Variants in GFRA1 observed in about 807,000 individuals in gnomAD.
The protein encoded by GFRA1 is GDNF family receptor alpha-1.
Under a neutral mutation model 51.6 loss-of-function variants are expected in GFRA1, and 16 were observed. The observed-to-expected ratio is 0.31, with a 90% CI of 0.21 to 0.47. The LOEUF (loss-of-function observed/expected upper bound fraction) is 0.47. Among genes scored for constraint, GFRA1 ranks in the 20% least tolerant of loss-of-function variants. GFRA1 has a pLI of 1.00. For synonymous variants in GFRA1, 270 were observed against 241.3 expected, an observed-to-expected ratio of 1.12 and a Z score of -1.10; for missense variants, 530 against 594.3, an observed-to-expected ratio of 0.89 and a Z score of 1.13.
chr10:116,079,276 T>C (rs1955748678), intron 9 of GFRA1, among the ~76,000 whole-genome samples: 1 of 152,074 alleles, frequency 6.6e-6, no homozygotes. Flanking sequence ...TTCTGTTGCT[T>C]AAGCCGCCCA....
chr10:116,225,720 G>A (rs969454749), intron 4 of GFRA1, among the ~76,000 whole-genome samples: 4 of 151,306 alleles, frequency 2.6e-5, no homozygotes, highest in Admixed American at 2.6e-4. Context: ...TCCCCAAGGA[G>A]CTGGGATTAC....
intron 5 of GFRA1, among the ~76,000 whole-genome samples, chr10:116,180,240 T>C (rs1373107452): frequency 6.6e-6 from 1 of 152,222 alleles, no homozygotes; most frequent in Non-Finnish European, 1.5e-5. Context: ...ATTTACAATA[T>C]TGTAATAAGA....
chr10:116,246,892 T>A (rs2134667644), intron 4 of GFRA1, among the ~76,000 whole-genome samples: 1 of 152,254 alleles, frequency 6.6e-6, no homozygotes, highest in Non-Finnish European at 1.5e-5. Flanking sequence ...TTCCTCGATA[T>A]GCACAGAGAA....
chr10:116,215,500 C>T (rs992074517), intron 4 of GFRA1, among the ~76,000 whole-genome samples: 7 of 152,324 alleles, frequency 4.6e-5, no homozygotes, highest in Admixed American at 4.6e-4. Flanking sequence ...ATTAGACCTG[C>T]TGAGCTTGAA....
intron 4 of GFRA1, among the ~76,000 whole-genome samples, chr10:116,226,606 T>C (rs1247029499): frequency 6.0e-5 from 9 of 150,972 alleles, no homozygotes; most frequent in Non-Finnish European, 1.5e-5. Flanking sequence ...TGGAAGACAA[T>C]TTTTCCACAG....
chr10:116,206,793 T>C (rs7100915), intron 5 of GFRA1, among the ~76,000 whole-genome samples: 91,481 of 150,278 alleles, frequency 0.61, 29,412 homozygotes, highest in African/African-American at 0.83. Flanking sequence ...CCACGACGCC[T>C]GGCTAATTTT....
At chr10:116,245,343 AG>A (rs1465373058) in intron 4 of GFRA1, among the ~76,000 whole-genome samples, 1 of 152,206 alleles carries the variant, frequency 6.6e-6, no homozygotes, top group African/African-American at 2.4e-5. Flanking sequence ...ATATGCCATG[AG>A]GGACTTACAA....
intron 9 of GFRA1, among the ~76,000 whole-genome samples, chr10:116,088,207 T>C (rs1956176368): frequency 6.6e-6 from 1 of 151,970 alleles, no homozygotes; most frequent in African/African-American, 2.4e-5. Flanking sequence ...TTCTGAAACT[T>C]TCTAGGGAAT....
At chr10:116,159,816 C>T (rs1440574262) in intron 5 of GFRA1, among the ~76,000 whole-genome samples, 1 of 152,182 alleles carries the variant, frequency 6.6e-6, no homozygotes, top group Non-Finnish European at 1.5e-5. Flanking sequence ...CTTGTCTTCC[C>T]ACCCACCAGA....
chr10:116,079,287 G>A (rs1955749219), intron 9 of GFRA1, among the ~76,000 whole-genome samples: 1 of 152,074 alleles, frequency 6.6e-6, no homozygotes, highest in African/African-American at 2.4e-5. Flanking sequence ...AAGCCGCCCA[G>A]TCTACAGTAT....
At position 116,085,795 on chromosome 10, in the gene GFRA1, T is replaced by C. The variant is rs925024582; in HGVS notation, c.1197+3946A>G. Among the ~76,000 whole-genome samples, 15 of 152,282 alleles carry C rather than the reference T, an allele frequency of 9.9e-5. No individual in the cohort carries two copies. In the East Asian group the frequency reaches 2.7e-3, roughly 27 times the overall value. ...ATATTACTGGCAAACTGTCAGTCCT[T>C]CCCCTATGTTGTCTCCTGGAATTGA... On this transcript the variant is annotated intron_variant, in intron 9 of 10. Transcript: ENST00000355422.
chr10:116,105,467 A>T (rs1282336441), intron 6 of GFRA1, among the ~76,000 whole-genome samples: 1 of 152,208 alleles, frequency 6.6e-6, no homozygotes, highest in Non-Finnish European at 1.5e-5. Context: ...TGGAACGCTA[A>T]GAGGCTCCAT....
intron 8 of GFRA1, among the ~76,000 whole-genome samples, chr10:116,092,258 C>G (rs906700415): frequency 6.6e-6 from 1 of 152,046 alleles, no homozygotes; most frequent in Non-Finnish European, 1.5e-5. Flanking sequence ...CTTAAGAATC[C>G]AAAAGCTTGT....
intron 6 of GFRA1, among the ~76,000 whole-genome samples, chr10:116,105,411 C>T (rs1417757052): frequency 6.6e-6 from 1 of 152,172 alleles, no homozygotes; most frequent in Non-Finnish European, 1.5e-5. Context: ...TTCAGCAGCA[C>T]CTCCACCTTC....
chr10:116,150,477 T>TG (rs1959017078), intron 5 of GFRA1, among the ~76,000 whole-genome samples: 2 of 152,206 alleles, frequency 1.3e-5, no homozygotes, highest in South Asian at 4.1e-4. Context: ...CATGCCCCTC[T>TG]GGGTGTTTGA....
chr10:116,173,734 G>T (rs977274817), intron 5 of GFRA1, among the ~76,000 whole-genome samples: 1 of 152,152 alleles, frequency 6.6e-6, no homozygotes, highest in East Asian at 1.9e-4. Flanking sequence ...AAAGTTTTCT[G>T]ATATATATCT....
intron 4 of GFRA1, among the ~76,000 whole-genome samples, chr10:116,250,754 C>T (rs1435356733): frequency 1.3e-5 from 2 of 152,214 alleles, no homozygotes; most frequent in Non-Finnish European, 2.9e-5. Flanking sequence ...TTTGAAGCTT[C>T]CTGGTGTCCT....
chr10:116,097,470 C>T lies in GFRA1; in HGVS notation c.771-706G>A, dbSNP rs566014604. ...TGCAGGTTGGAATCTCTCCAGGGGC[C>T]GGTGCAGTCCACCCAGAAGCCCTGG... On this transcript the variant is annotated intron_variant, in intron 6 of 10. Coordinates refer to ENST00000355422, the MANE Select transcript of GFRA1 (RefSeq NM_005264.8). Among the ~76,000 whole-genome samples, 7 of 152,228 alleles carry T rather than the reference C, an allele frequency of 4.6e-5. 1 individual carries two copies. The highest frequency in any genetic ancestry group is 3.9e-4 in the East Asian group (2 of 5,162).
At chr10:116,179,492 T>C (rs1565631205) in intron 5 of GFRA1, among the ~76,000 whole-genome samples, 1 of 152,172 alleles carries the variant, frequency 6.6e-6, no homozygotes, top group Non-Finnish European at 1.5e-5. Flanking sequence ...CAAGGTCTCA[T>C]AGCTGGTAAG....
Sources: allele counts gnomAD v4.1 joint callset (sites outside exome capture counted in the v4.1 genomes callset), GRCh38; gene constraint gnomAD v4.1.1; transcripts MANE v1.5; gene names NCBI Gene and HGNC (gene_info 2026-07-23, HGNC 2026-07-21).